The following MYO18B variants were observed in gnomAD, a reference collection of about 807,000 sequenced individuals.
The protein encoded by MYO18B is myosin XVIIIB, also known as unconventional myosin-XVIIIb.
A neutral mutation model predicts 273.0 loss-of-function variants in MYO18B; 204 were observed. The ratio of observed to expected loss-of-function variants is 0.75; its 90% CI spans 0.67 to 0.84. MYO18B has a LOEUF of 0.84. Among genes scored for constraint, MYO18B ranks in the 40% least tolerant of loss-of-function variants. MYO18B has a pLI of 0.00. For synonymous variants in MYO18B, 1,330 were observed against 1,305.7 expected (o/e 1.02, Z -0.40); for missense variants, 3,212 against 3,287.6 (o/e 0.98, Z 0.56).
intron 42 of MYO18B, among the ~76,000 whole-genome samples, chr22:26,011,251 G>C (rs887893985): frequency 6.6e-6 from 1 of 152,000 alleles, no homozygotes. Flanking sequence ...GTAGTAAAGA[G>C]AATTTCTCTC....
chr22:25,958,126 GC>G (rs769317743), intron 39 of MYO18B, among the ~76,000 whole-genome samples: 1 of 152,114 alleles, frequency 6.6e-6, no homozygotes, highest in South Asian at 2.1e-4. Context: ...TGTTGGCCAA[GC>G]TAGTCTCGAA....
chr22:25,924,560 G>A (rs1000607464), intron 34 of MYO18B, among the ~76,000 whole-genome samples: 4 of 152,224 alleles, frequency 2.6e-5, no homozygotes, highest in African/African-American at 9.6e-5. Context: ...ATAGAGAACT[G>A]CAGGGGCGTC....
chr22:25,955,715 C>T (rs1269938685), intron 39 of MYO18B, among the ~76,000 whole-genome samples: 2 of 152,206 alleles, frequency 1.3e-5, no homozygotes, highest in African/African-American at 2.4e-5. Flanking sequence ...TTATTAACGG[C>T]CTATCTTTCA....
rs200843818 is a variant in MYO18B at position 25,890,753 on chromosome 22, C to T, written c.4315-3C>T. 2.2e-5 allele frequency: 35 copies of T among 1,613,726 alleles called. No homozygotes were observed. Among genetic ancestry groups the T allele is most frequent in the Non-Finnish European group, 4.2e-6 (5 of 1,179,848 alleles). ...TCCTTGATCACCCCATTCCCCATCT[C>T]AGATTGCTGACTTGACCTCTGACCT... On this transcript the variant is annotated splice_region_variant and splice_polypyrimidine_tract_variant and intron_variant, in intron 25 of 43. Transcript: ENST00000335473.
intron 1 of MYO18B, among the ~76,000 whole-genome samples, chr22:25,747,336 G>A (rs1204798777): frequency 1.3e-5 from 2 of 152,190 alleles, no homozygotes; most frequent in Non-Finnish European, 2.9e-5. Flanking sequence ...GTCAATCACA[G>A]CATGCTGTCT....
At chr22:25,857,418 A>G (rs1569117396) in intron 21 of MYO18B, among the ~76,000 whole-genome samples, 1 of 152,288 alleles carries the variant, frequency 6.6e-6, no homozygotes, top group East Asian at 1.9e-4. Context: ...GTCTTCTCAA[A>G]GGCAGCCACT....
chr22:26,033,718 T>C (rs1569316696), downstream of MYO18B, among the ~76,000 whole-genome samples: 1 of 152,094 alleles, frequency 6.6e-6, no homozygotes. Flanking sequence ...TTCTTTTCTT[T>C]TCTTTCTTTC....
intron 42 of MYO18B, among the ~76,000 whole-genome samples, chr22:26,014,715 C>T (rs1400921936): frequency 6.6e-6 from 1 of 152,198 alleles, no homozygotes; most frequent in Non-Finnish European, 1.5e-5. Context: ...GCAACCTCAC[C>T]AGCACCTGTC....
At chr22:25,818,933 G>A (rs1160259161) in intron 12 of MYO18B, among the ~76,000 whole-genome samples, 4 of 152,082 alleles carry the variant, frequency 2.6e-5, no homozygotes, top group Non-Finnish European at 5.9e-5. Context: ...GGCTTTGTGC[G>A]ACAAACTGGG....
intron 13 of MYO18B, 79 bp downstream of exon 13, chr22:25,823,757 T>A: frequency 7.1e-7 from 1 of 1,406,824 alleles, no homozygotes; most frequent in Non-Finnish European, 9.6e-7. Flanking sequence ...ATTCTTTAAC[T>A]TTTTTATCAA....
chr22:25,945,428 A>G (rs952609220), intron 34 of MYO18B, among the ~76,000 whole-genome samples: 3 of 152,040 alleles, frequency 2.0e-5, no homozygotes, highest in African/African-American at 7.2e-5. Flanking sequence ...AGTGCCTGGC[A>G]CTGAATGGGC....
chr22:25,961,317 A>G (rs1474252584), intron 39 of MYO18B, among the ~76,000 whole-genome samples: 3 of 151,966 alleles, frequency 2.0e-5, no homozygotes, highest in East Asian at 1.9e-4. Context: ...ACTGCTTCCT[A>G]TGGCCTACAA....
At chr22:25,779,933 G>T in intron 8 of MYO18B, 123 bp from the exon 9 acceptor site, 1 of 1,276,288 alleles carries the variant, frequency 7.8e-7, no homozygotes, top group South Asian at 1.6e-5. Flanking sequence ...GAAGCCCACC[G>T]GGGGCTGAGG....
At chr22:26,048,935 C>G in the MYO18B span, among the ~76,000 whole-genome samples, 1 of 152,150 alleles carries the variant, frequency 6.6e-6, no homozygotes, top group Non-Finnish European at 1.5e-5. Context: ...TTTCTTTTCT[C>G]CACAACCTCG....
At chr22:25,844,093 G>C (rs1601323937) in intron 18 of MYO18B, among the ~76,000 whole-genome samples, 199 bp downstream of exon 18, 2 of 152,338 alleles carry the variant, frequency 1.3e-5, no homozygotes, top group South Asian at 4.1e-4. Flanking sequence ...ATCCAGCTGA[G>C]GAGAAAAGCT....
At chr22:26,042,128 G>C in the MYO18B span, among the ~76,000 whole-genome samples, 1 of 152,242 alleles carries the variant, frequency 6.6e-6, no homozygotes, top group African/African-American at 2.4e-5. Context: ...GCATGTGTCA[G>C]AGCTGGAACT....
intron 14 of MYO18B, among the ~76,000 whole-genome samples, 177 bp downstream of exon 14, chr22:25,826,676 A>T (rs1388045454): frequency 2.0e-5 from 3 of 152,324 alleles, no homozygotes; most frequent in Non-Finnish European, 4.4e-5. Context: ...TCGGCAAATC[A>T]GTTCACTTCT....
rs186907768 is a variant in MYO18B at position 25,948,243 on chromosome 22, G to A, written c.5748+415G>A. ...CACCCAACCACCCATCCATCTGTCT[G>A]TCCAACCATTTATCCATCTATCCAG... On this transcript the variant is annotated intron_variant, in intron 36 of 43. Transcript: ENST00000335473. 9.9e-5 allele frequency among the ~76,000 whole-genome samples: 15 copies of A among 151,936 alleles called. No individual in the cohort carries two copies. The East Asian group carries it at 2.5e-3, about 26-fold the overall frequency.
At chr22:26,021,083 C>T (rs556220605) in intron 42 of MYO18B, among the ~76,000 whole-genome samples, 10 of 152,146 alleles carry the variant, frequency 6.6e-5, no homozygotes, top group South Asian at 2.1e-4. Flanking sequence ...AGCAAGACTC[C>T]GTCTCAAAAA....
Sources: allele counts gnomAD v4.1 joint callset (sites outside exome capture counted in the v4.1 genomes callset), GRCh38; gene constraint gnomAD v4.1.1; transcripts MANE v1.5; gene names NCBI Gene and HGNC (gene_info 2026-07-23, HGNC 2026-07-21).